Variants in TEK observed in about 807,000 individuals in gnomAD.
The protein encoded by TEK is angiopoietin-1 receptor.
TEK carries 43 observed loss-of-function variants against 131.8 expected under a neutral mutation model. The observed-to-expected ratio is 0.33, with a 90% CI of 0.26 to 0.42. The LOEUF is 0.42. Ranked by LOEUF, TEK falls within the 10% of genes least tolerant of loss-of-function variation. The probability of loss-of-function intolerance (pLI) is 1.00; values close to 1 mark genes in which losing one functional copy is unlikely to be tolerated. For missense variants in TEK, 1,162 were observed against 1,384.4 expected, an observed-to-expected ratio of 0.84 and a Z score of 2.55; for synonymous variants, 580 against 491.6, an observed-to-expected ratio of 1.18 and a Z score of -2.38.
intron 11 of TEK, 130 bp downstream of exon 11, chr9:27,192,753 C>G: frequency 2.2e-6 from 2 of 923,392 alleles, no homozygotes; most frequent in South Asian, 2.8e-5. Context: ...CAGGAGTTCG[C>G]TTTTGAATGG....
At position 27,202,964 on chromosome 9, in the gene TEK, T is replaced by C; in HGVS notation, c.2054T>C (p.Val685Ala). ...CAAGGCAAGAATGAAGACCAGCACG[T>C]TGATGTGAAGATAAAGAATGCCACC... ...KVQGKNEDQH[V>A]DVKIKNATIT... Residue 685 changes from valine to alanine, a missense_variant, in exon 13 of 23, where the codon GTT becomes GCT. Val to Ala is a moderately conservative substitution (Grantham distance 64, BLOSUM62 0). Around this residue, in one of 6 missense-constraint regions of TEK, gnomAD observed 477 missense variants for 471.0 expected, o/e 1.01. Coordinates refer to ENST00000380036, the MANE Select transcript of TEK (RefSeq NM_000459.5). The C allele has an allele frequency of 1.2e-6, 2 of 1,614,066 alleles. No individual in the cohort carries two copies. The highest frequency in any genetic ancestry group is 2.2e-5 in the East Asian group (1 of 44,866).
At chr9:27,202,665 G>T (rs7876024) in intron 12 of TEK, among the ~76,000 whole-genome samples, 155 bp from the exon 13 acceptor site, 2 of 152,024 alleles carry the variant, frequency 1.3e-5, no homozygotes, top group Non-Finnish European at 2.9e-5. Flanking sequence ...TCAAGTCTGC[G>T]TGGAGTCCAG....
chr9:27,169,079 G>T (rs1383596129), intron 3 of TEK, among the ~76,000 whole-genome samples: 1 of 152,194 alleles, frequency 6.6e-6, no homozygotes, highest in Non-Finnish European at 1.5e-5. Context: ...GGATCATTCT[G>T]AAGTCTGTGA....
intron 6 of TEK, among the ~76,000 whole-genome samples, chr9:27,176,998 G>A (rs1824194815): frequency 1.3e-5 from 2 of 152,148 alleles, no homozygotes; most frequent in African/African-American, 4.8e-5. Flanking sequence ...GTTCATCCGT[G>A]TTGTTGCAAA....
In TEK at chr9:27,209,107, G is replaced by C. The variant is rs1170078090; in HGVS notation, c.2576-14G>C. On this transcript the variant is annotated splice_polypyrimidine_tract_variant and intron_variant, in intron 15 of 22. Transcript: ENST00000380036. ...GTAACAAAGAAGAATCACAACCCTTGACTTTCTTCCCAGAATATGCCTCCA... is the reference window on the plus strand; with the variant it reads ...GTAACAAAGAAGAATCACAACCCTTCACTTTCTTCCCAGAATATGCCTCCA... 2 of 1,591,368 alleles carry C rather than the reference G, an allele frequency of 1.3e-6. No individual in the cohort carries two copies.
At position 27,147,023 on chromosome 9, in the gene TEK, C is replaced by T. The variant is rs867761965; in HGVS notation, c.53-10808C>T. Among the ~76,000 whole-genome samples the T allele has an allele frequency of 5.9e-5, 9 of 152,264 alleles. No homozygotes were observed. The South Asian group carries it at 8.3e-4, about 14-fold the overall frequency. On this transcript the variant is annotated intron_variant, in intron 1 of 22. Transcript: ENST00000380036. ...GGATTACAGGCGTGAGACACTGCGCCCGGCCAACATTCATTGTATGAATGT... is the reference window on the plus strand; with the variant it reads ...GGATTACAGGCGTGAGACACTGCGCTCGGCCAACATTCATTGTATGAATGT...
At chr9:27,207,102 A>C (rs907926296) in intron 15 of TEK, among the ~76,000 whole-genome samples, 5 of 152,190 alleles carry the variant, frequency 3.3e-5, no homozygotes, top group African/African-American at 1.2e-4. Flanking sequence ...CTCCAAATTG[A>C]GTGTGCATCA....
chr9:27,218,129 G>GT (rs562857992), intron 19 of TEK, among the ~76,000 whole-genome samples: 1,088 of 57,322 alleles, frequency 0.019, 38 homozygotes, highest in Middle Eastern at 0.038. Flanking sequence ...AGGCCAGACA[G>GT]TGGCGGGGGT....
Position 27,180,320 on chromosome 9 carries a change from G to C in TEK, c.982G>C (p.Gly328Arg). The change falls in exon 7 of 23, where the codon GGA becomes CGA. Residue 328 changes from glycine to arginine, a missense_variant. Around this residue, in one of 6 missense-constraint regions of TEK, gnomAD observed 436 missense variants for 539.1 expected, o/e 0.81. Coordinates refer to ENST00000380036, the MANE Select transcript of TEK (RefSeq NM_000459.5). ...TGGGGAGATGTGTGATCGCTTCCAA[G>C]GATGTCTCTGCTCTCCAGGATGGCA... is the stretch of plus-strand genomic sequence containing the variant. ...NNGEMCDRFQ[G>R]CLCSPGWQGL... 6.2e-7 allele frequency: 1 copy of C among 1,613,800 alleles called. No individual in the cohort carries two copies. The highest frequency in any genetic ancestry group is 8.5e-7 in the Non-Finnish European group (1 of 1,179,838).
At chr9:27,176,068 G>T (rs1824159387) in intron 6 of TEK, among the ~76,000 whole-genome samples, 1 of 152,146 alleles carries the variant, frequency 6.6e-6, no homozygotes, top group African/African-American at 2.4e-5. Flanking sequence ...TATTCTTCCA[G>T]ACTCCTTTCA....
chr9:27,170,142 A>C (rs1823895698), intron 4 of TEK, among the ~76,000 whole-genome samples: 2 of 152,150 alleles, frequency 1.3e-5, no homozygotes, highest in Non-Finnish European at 2.9e-5. Context: ...TTAAACCATC[A>C]AATCTCATGA....
intron 21 of TEK, among the ~76,000 whole-genome samples, chr9:27,224,255 T>C (rs1564111831): frequency 6.6e-6 from 1 of 152,170 alleles, no homozygotes; most frequent in East Asian, 1.9e-4. Flanking sequence ...TCCTAACTCA[T>C]TTTATGAGGT....
At chr9:27,143,687 A>C (rs910537748) in intron 1 of TEK, among the ~76,000 whole-genome samples, 4 of 152,206 alleles carry the variant, frequency 2.6e-5, no homozygotes, top group Admixed American at 6.5e-5. Context: ...ATATATGTAC[A>C]CACGCACATT....
intron 9 of TEK, among the ~76,000 whole-genome samples, chr9:27,189,527 G>A (rs1824728650): frequency 6.6e-6 from 1 of 152,146 alleles, no homozygotes. Context: ...TTGAGATGGG[G>A]AGATTGTTCT....
chr9:27,218,727 G>A, intron 19 of TEK, 50 bp from the exon 20 acceptor site: 1 of 1,609,536 alleles, frequency 6.2e-7, no homozygotes, highest in South Asian at 1.1e-5. Context: ...CGGAAAATGA[G>A]CGGTGACTCT....
intron 7 of TEK, 130 bp downstream of exon 7, chr9:27,180,498 G>A: frequency 7.5e-7 from 1 of 1,327,748 alleles, no homozygotes; most frequent in South Asian, 1.3e-5. Flanking sequence ...GTTGGGAATA[G>A]TTTATCCTAA....
intron 3 of TEK, among the ~76,000 whole-genome samples, chr9:27,169,108 T>C (rs915455390): frequency 2.6e-5 from 4 of 152,228 alleles, no homozygotes; most frequent in Admixed American, 6.5e-5. Context: ...GACTTCCAGA[T>C]TGGAGTAGCG....
chr9:27,219,804 TAGAAC>T (rs1340518204), intron 20 of TEK, among the ~76,000 whole-genome samples: 1 of 152,098 alleles, frequency 6.6e-6, no homozygotes, highest in Admixed American at 6.6e-5. Context: ...TGGGGAGACT[TAGAAC>T]AGGCACTAAG....
At chr9:27,172,513 T>C in intron 4 of TEK, 103 bp from the exon 5 acceptor site, 1 of 1,495,888 alleles carries the variant, frequency 6.7e-7, no homozygotes, top group Non-Finnish European at 9.2e-7. Flanking sequence ...TTTATCTTTA[T>C]TCACCATTGT....
Sources: gnomAD v4.1 joint callset for allele counts (sites outside exome capture counted in the v4.1 genomes callset) on GRCh38, gnomAD v4.1.1 for gene constraint, gnomAD v4.1.1 regional missense constraint, MANE v1.5 for transcripts, NCBI Gene and HGNC (gene_info 2026-07-23, HGNC 2026-07-21) for gene names.